The following CYP51A1 variants were observed in gnomAD, a reference collection of about 807,000 sequenced individuals.
CYP51A1 encodes cytochrome P450 family 51 subfamily A member 1, also known as lanosterol 14-alpha demethylase.
CYP51A1 carries 45 observed loss-of-function variants against 53.5 expected under a neutral mutation model. That is an observed-to-expected ratio of 0.84 (90% CI 0.66 to 1.08). The LOEUF is 1.08. Ranked by LOEUF, CYP51A1 falls within the 50% of genes least tolerant of loss-of-function variation. The pLI is 0.00. For synonymous variants in CYP51A1, 181 were observed against 217.7 expected, an observed-to-expected ratio of 0.83 and a Z score of 1.48; for missense variants, 462 against 621.7, an observed-to-expected ratio of 0.74 and a Z score of 2.73.
chr7:92,127,544 T>A lies in CYP51A1; in HGVS notation c.556A>T (p.Lys186Ter). The A allele has an allele frequency of 6.2e-7, 1 of 1,612,184 alleles. No homozygotes were observed. The highest frequency in any genetic ancestry group is 1.1e-5 in the South Asian group (1 of 90,464). ...QHVSIIEKETKEYFESWGESG... is the reference protein window; with the variant it reads ...QHVSIIEKET Reference sequence around the variant, plus strand: ...TCTCCCCAACTCTCAAAGTATTCCTTTGTTTCTTTTTCAATTATAGAAACA... The same window carrying A: ...TCTCCCCAACTCTCAAAGTATTCCTATGTTTCTTTTTCAATTATAGAAACA... The change falls in exon 4 of 10, where the codon AAG becomes TAG. Residue 186 changes from lysine (K) to a stop codon, truncating the protein, a stop_gained. Transcript: ENST00000003100. LOFTEE classifies it high-confidence loss of function.
chr7:92,132,466 T>C (rs1819943064), intron 1 of CYP51A1, among the ~76,000 whole-genome samples: 1 of 152,174 alleles, frequency 6.6e-6, no homozygotes, highest in South Asian at 2.1e-4. Context: ...TATTGTTGTG[T>C]TATTTTGTAT....
chr7:92,121,010 C>G (rs1051460885), intron 7 of CYP51A1, among the ~76,000 whole-genome samples: 1 of 152,138 alleles, frequency 6.6e-6, no homozygotes, highest in South Asian at 2.1e-4. Flanking sequence ...AAAATACCAA[C>G]TGGGCATGGT....
At chr7:92,130,644 ATAGGAT>A (rs1451058774) in intron 2 of CYP51A1, among the ~76,000 whole-genome samples, 2 of 152,250 alleles carry the variant, frequency 1.3e-5, no homozygotes, top group African/African-American at 4.8e-5. Context: ...AAGAAAGAGA[ATAGGAT>A]TACTATATAA....
At chr7:92,126,556 T>A in intron 4 of CYP51A1, 129 bp from the exon 5 acceptor site, 1 of 746,466 alleles carries the variant, frequency 1.3e-6, no homozygotes, top group Non-Finnish European at 2.1e-6. Flanking sequence ...TAGACAGACA[T>A]GTGACTATGT....
At position 92,112,516 on chromosome 7, in the gene CYP51A1, C is replaced by T. The variant is rs1048682465; in HGVS notation, c.*1149G>A. ...AATCAATATGAGTAGTAACAAACAT[C>T]CCTAATTGGATTCTAGAGAGGAAGC... On this transcript the variant is annotated 3_prime_UTR_variant, in exon 10 of 10. Coordinates refer to ENST00000003100, the MANE Select transcript of CYP51A1 (RefSeq NM_000786.4). 3.3e-5 allele frequency: 5 copies of T among 152,076 alleles called. No homozygotes were observed. The highest frequency in any genetic ancestry group is 7.4e-5 in the Non-Finnish European group (5 of 68,022). The allele number at this position is 152,076 out of a possible 1,614,324, so 9.4% of individuals were successfully genotyped here.
intron 2 of CYP51A1, among the ~76,000 whole-genome samples, chr7:92,130,109 T>C (rs1343938434): frequency 6.6e-6 from 1 of 152,120 alleles, no homozygotes; most frequent in East Asian, 1.9e-4. Context: ...AAAAGAGGGA[T>C]GGAGAGTTCA....
intron 7 of CYP51A1, among the ~76,000 whole-genome samples, chr7:92,121,518 A>C (rs926678406): frequency 6.6e-5 from 10 of 152,198 alleles, no homozygotes; most frequent in African/African-American, 2.2e-4. Flanking sequence ...ATCAGTACAC[A>C]AACGTTTAGA....
chr7:92,118,390 C>T, intron 8 of CYP51A1, 130 bp downstream of exon 8: 1 of 678,282 alleles, frequency 1.5e-6, no homozygotes. Context: ...CAAATTCTGG[C>T]CTCAAGTGAT....
intron 7 of CYP51A1, among the ~76,000 whole-genome samples, 157 bp from the exon 8 acceptor site, chr7:92,118,772 C>CT (rs920603293): frequency 3.9e-5 from 6 of 152,150 alleles, no homozygotes; most frequent in African/African-American, 1.4e-4. Context: ...TGCTCTACCA[C>CT]TGTCCATGGT....
At chr7:92,134,115 C>A in intron 1 of CYP51A1, 58 bp downstream of exon 1, 3 of 1,554,804 alleles carry the variant, frequency 1.9e-6, no homozygotes, top group Non-Finnish European at 2.6e-6. Context: ...CCACGCCAGC[C>A]CTTCGGCCGC....
At chr7:92,114,447 T>G (rs542632741) in intron 9 of CYP51A1, among the ~76,000 whole-genome samples, 1 of 152,208 alleles carries the variant, frequency 6.6e-6, no homozygotes, top group African/African-American at 2.4e-5. Flanking sequence ...TGGTACTAGG[T>G]AAGGATCAAC....
chr7:92,115,079 C>T (rs949722623), intron 9 of CYP51A1, among the ~76,000 whole-genome samples: 2 of 152,224 alleles, frequency 1.3e-5, no homozygotes, highest in African/African-American at 4.8e-5. Flanking sequence ...ATTGAATCAA[C>T]ATAAGAGTAG....
Position 92,131,762 on chromosome 7 carries a change from T to C in CYP51A1, c.291+12A>G. On this transcript the variant is annotated intron_variant, in intron 2 of 9. Transcript: ENST00000003100. ...TTTTTTTTTTTTTCCTCTAATTATTTGGAAGACTTACCTTCTCATATGCAT... is the reference window on the plus strand; with the variant it reads ...TTTTTTTTTTTTTCCTCTAATTATTCGGAAGACTTACCTTCTCATATGCAT... 1 of 1,371,656 alleles carries C rather than the reference T, an allele frequency of 7.3e-7. No individual in the cohort carries two copies. Among genetic ancestry groups the C allele is most frequent in the Non-Finnish European group, 1.0e-6 (1 of 989,748 alleles). The allele number at this position is 1,371,656 out of a possible 1,614,324, so 85.0% of individuals were successfully genotyped here.
At chr7:92,125,543 C>T (rs1308535609) in intron 5 of CYP51A1, among the ~76,000 whole-genome samples, 1 of 152,162 alleles carries the variant, frequency 6.6e-6, no homozygotes, top group African/African-American at 2.4e-5. Flanking sequence ...CCTTAAGAAA[C>T]AGAAAATTAA....
chr7:92,117,018 T>C, intron 9 of CYP51A1, 26 bp downstream of exon 9: 2 of 1,579,064 alleles, frequency 1.3e-6, no homozygotes, highest in Non-Finnish European at 1.7e-6. Context: ...AACAAACATT[T>C]CCAATCTAAA....
chr7:92,113,216 C>T lies in CYP51A1; in HGVS notation c.*449G>A, dbSNP rs1313708606. 6.5e-6 allele frequency: 1 copy of T among 154,730 alleles called. No individual in the cohort carries two copies. The highest frequency in any genetic ancestry group is 6.5e-5 in the Admixed American group (1 of 15,322). The allele number at this position is 154,730 out of a possible 1,614,324, so 9.6% of individuals were successfully genotyped here. ...TATTCCCTACCCTTCCATCCTCACA[C>T]ACACAATAATTGCCCAGATAAATAA... On this transcript the variant is annotated 3_prime_UTR_variant, in exon 10 of 10. Transcript: ENST00000003100.
intron 7 of CYP51A1, among the ~76,000 whole-genome samples, chr7:92,121,740 C>A (rs1161816069): frequency 6.6e-6 from 1 of 152,140 alleles, no homozygotes; most frequent in African/African-American, 2.4e-5. Context: ...TGTATGATCC[C>A]ATTTACATGA....
At chr7:92,123,690 T>C (rs1819737320) in intron 6 of CYP51A1, 44 bp downstream of exon 6, 2 of 1,541,142 alleles carry the variant, frequency 1.3e-6, no homozygotes, top group Admixed American at 2.1e-5. Context: ...TTTTAATGTG[T>C]AATTTCCTGC....
At position 92,112,485 on chromosome 7, in the gene CYP51A1, T is replaced by C. The variant is rs1410600971; in HGVS notation, c.*1180A>G. On this transcript the variant is annotated 3_prime_UTR_variant, in exon 10 of 10. Coordinates refer to ENST00000003100, the MANE Select transcript of CYP51A1 (RefSeq NM_000786.4). ...TTTAAAAAGAAAAAAGTTTGTTAAC[T>C]GTTTTAATCAATATGAGTAGTAACA... 6.6e-6 allele frequency: 1 copy of C among 152,208 alleles called. No homozygotes were observed. The highest frequency in any genetic ancestry group is 6.5e-5 in the Admixed American group (1 of 15,282). The allele number at this position is 152,208 out of a possible 1,614,324, so 9.4% of individuals were successfully genotyped here.
Sources: allele counts gnomAD v4.1 joint callset (sites outside exome capture counted in the v4.1 genomes callset), GRCh38; gene constraint gnomAD v4.1.1; transcripts MANE v1.5; gene names NCBI Gene and HGNC (gene_info 2026-07-23, HGNC 2026-07-21).